TENM4: variants seen among roughly 807,000 people sequenced by gnomAD.
TENM4 encodes the protein teneurin transmembrane protein 4.
TENM4 carries 82 observed loss-of-function variants against 243.3 expected under a neutral mutation model. That is an observed-to-expected ratio of 0.34 (90% CI 0.28 to 0.40). The LOEUF is 0.40. TENM4 is among the 10% of genes least tolerant of loss of function. The probability of loss-of-function intolerance (pLI) is 1.00; values close to 1 mark genes in which losing one functional copy is unlikely to be tolerated. For synonymous variants in TENM4, 1,412 were observed against 1,456.3 expected (o/e 0.97, Z 0.69); for missense variants, 3,138 against 3,673.3 (o/e 0.85, Z 3.77).
At chr11:79,187,805 A>C (rs1000979137) in intron 3 of TENM4, among the ~76,000 whole-genome samples, 9 of 152,224 alleles carry the variant, frequency 5.9e-5, no homozygotes, top group African/African-American at 2.2e-4. Context: ...ATGTGAGGAC[A>C]TGGTGGGAAG....
chr11:79,250,193 G>A (rs1855586172), intron 2 of TENM4, among the ~76,000 whole-genome samples: 1 of 152,258 alleles, frequency 6.6e-6, no homozygotes, highest in South Asian at 2.1e-4. Context: ...CACCATGTTG[G>A]CCAGGCTGGT....
At chr11:79,170,493 A>G (rs965875738) in intron 3 of TENM4, among the ~76,000 whole-genome samples, 4 of 152,212 alleles carry the variant, frequency 2.6e-5, no homozygotes, top group African/African-American at 9.6e-5. Flanking sequence ...TTTAGTTAGG[A>G]TGAGGTTATA....
chr11:78,987,881 C>T (rs1857954475), intron 6 of TENM4, among the ~76,000 whole-genome samples: 1 of 151,768 alleles, frequency 6.6e-6, no homozygotes, highest in Non-Finnish European at 1.5e-5. Flanking sequence ...ACGTTTTTTC[C>T]CCCAGGCCAT....
chr11:79,003,008 A>T (rs937475230), intron 6 of TENM4, among the ~76,000 whole-genome samples: 1 of 152,224 alleles, frequency 6.6e-6, no homozygotes, highest in African/African-American at 2.4e-5. Flanking sequence ...TAAGAATTTC[A>T]TAATACAATT....
intron 12 of TENM4, among the ~76,000 whole-genome samples, chr11:78,842,653 CTCCTGGACAT>C (rs1296268066): frequency 6.6e-6 from 1 of 152,234 alleles, no homozygotes; most frequent in Non-Finnish European, 1.5e-5. Flanking sequence ...TACTTCCAGT[CTCCTGGACAT>C]ACCAGGCACT....
chr11:79,091,655 A>C (rs2137053682), intron 4 of TENM4, among the ~76,000 whole-genome samples: 1 of 152,222 alleles, frequency 6.6e-6, no homozygotes, highest in East Asian at 1.9e-4. Context: ...AGACCTACTC[A>C]ATCAGAATCT....
rs556858741 is a variant in TENM4 at position 78,729,400 on chromosome 11, C to T, written c.3382G>A (p.Val1128Met). 6 of 1,581,674 alleles carry T rather than the reference C, an allele frequency of 3.8e-6. No homozygotes were observed. Among genetic ancestry groups the T allele is most frequent in the Admixed American group, 1.8e-5 (1 of 54,900 alleles). Residue 1128 changes from valine to methionine, a missense_variant, in exon 22 of 34, where the codon GTG (valine) becomes ATG (methionine). Coordinates refer to ENST00000278550, the MANE Select transcript of TENM4 (RefSeq NM_001098816.3). ...CCAAAGGCTTCTGAAAGCCCAAACA[C>T]CTTCTGGTTGTAGACGTCTGTCTTG... ...WDKTDVYNQK[V>M]FGLSEAFVSV...
intron 4 of TENM4, among the ~76,000 whole-genome samples, chr11:79,086,797 G>A (rs1466279713): frequency 7.4e-6 from 1 of 134,352 alleles, no homozygotes; most frequent in Non-Finnish European, 1.5e-5. Flanking sequence ...TCATTCCATT[G>A]CACTCCAGCC....
At chr11:79,374,160 G>A (rs536618040) in intron 1 of TENM4, among the ~76,000 whole-genome samples, 2 of 152,228 alleles carry the variant, frequency 1.3e-5, no homozygotes, top group African/African-American at 4.8e-5. Flanking sequence ...CACTCTTTGA[G>A]GACCGAAATC....
intron 6 of TENM4, among the ~76,000 whole-genome samples, chr11:78,944,723 T>C (rs753572315): frequency 2.6e-5 from 4 of 152,370 alleles, no homozygotes; most frequent in Non-Finnish European, 5.9e-5. Flanking sequence ...GTTCATTAAA[T>C]GCTTTCTATT....
chr11:79,135,773 CATAT>C (rs145002168), intron 4 of TENM4, among the ~76,000 whole-genome samples: 1 of 136,584 alleles, frequency 7.3e-6, no homozygotes, highest in Non-Finnish European at 1.5e-5. Context: ...ATCATATATA[CATAT>C]ATATGATATA....
intron 19 of TENM4, among the ~76,000 whole-genome samples, chr11:78,750,169 C>A (rs1198617714): frequency 6.6e-6 from 1 of 152,184 alleles, no homozygotes; most frequent in African/African-American, 2.4e-5. Flanking sequence ...CCACAGTAAG[C>A]AATACAGCTT....
chr11:78,883,593 T>G (rs74679621), intron 9 of TENM4, among the ~76,000 whole-genome samples: 6,379 of 152,354 alleles, frequency 0.042, 206 homozygotes, highest in Non-Finnish European at 0.064. Flanking sequence ...AACAAGCCTT[T>G]TTCGTCTCCT....
chr11:79,332,530 C>A (rs1857078067), intron 1 of TENM4, among the ~76,000 whole-genome samples: 1 of 152,042 alleles, frequency 6.6e-6, no homozygotes, highest in Non-Finnish European at 1.5e-5. Context: ...CACCGAAATC[C>A]ATCTGGGGGC....
chr11:79,163,171 G>A (rs1862792240), intron 3 of TENM4, among the ~76,000 whole-genome samples: 1 of 152,166 alleles, frequency 6.6e-6, no homozygotes, highest in African/African-American at 2.4e-5. Flanking sequence ...GATCTGAGAG[G>A]ACAGGGGTGA....
At chr11:78,977,301 C>T (rs577097280) in intron 6 of TENM4, among the ~76,000 whole-genome samples, 1 of 152,352 alleles carries the variant, frequency 6.6e-6, no homozygotes, top group African/African-American at 2.4e-5. Flanking sequence ...ACACTGTTTT[C>T]ACATATGGTC....
At position 78,686,922 on chromosome 11, in the gene TENM4, T is replaced by C. The variant is rs147887166; in HGVS notation, c.5260+1132A>G. ...AGTGGTTGTAAGAATATACAGACATTTATTTTCTCATGGTAAGTTAAACTG... is the reference window on the plus strand; with the variant it reads ...AGTGGTTGTAAGAATATACAGACATCTATTTTCTCATGGTAAGTTAAACTG... On this transcript the variant is annotated intron_variant, in intron 29 of 33. Coordinates refer to ENST00000278550, the MANE Select transcript of TENM4 (RefSeq NM_001098816.3). Among the ~76,000 whole-genome samples, 44 of 152,306 alleles carry C rather than the reference T, an allele frequency of 2.9e-4. 1 individual carries two copies. The East Asian group carries it at 7.7e-3, about 27-fold the overall frequency.
chr11:78,871,010 AC>A (rs1310100617), intron 9 of TENM4, among the ~76,000 whole-genome samples: 2 of 151,514 alleles, frequency 1.3e-5, no homozygotes, highest in Non-Finnish European at 2.9e-5. Flanking sequence ...GGAGTTGGCC[AC>A]CCCCCACCAA....
At chr11:78,782,798 C>G (rs540271886) in intron 16 of TENM4, among the ~76,000 whole-genome samples, 1 of 150,550 alleles carries the variant, frequency 6.6e-6, no homozygotes, top group African/African-American at 2.4e-5. Context: ...GGACAAAGCA[C>G]GGAAGATTTT....
Sources: gnomAD v4.1 joint callset for allele counts (sites outside exome capture counted in the v4.1 genomes callset) on GRCh38, gnomAD v4.1.1 for gene constraint, MANE v1.5 for transcripts, NCBI Gene and HGNC (gene_info 2026-07-23, HGNC 2026-07-21) for gene names.